GALNT13: variants seen among roughly 807,000 people sequenced by gnomAD.
The protein encoded by GALNT13 is polypeptide N-acetylgalactosaminyltransferase 13.
Under a neutral mutation model 64.2 loss-of-function variants are expected in GALNT13, and 28 were observed. The ratio of observed to expected loss-of-function variants is 0.44; its 90% confidence interval spans 0.32 to 0.60. The LOEUF (loss-of-function observed/expected upper bound fraction) is 0.60, where lower values mean the gene tolerates loss of function less well. Ranked by LOEUF, GALNT13 falls within the 20% of genes least tolerant of loss-of-function variation. The pLI is 0.05. For missense variants in GALNT13, 577 were observed against 669.8 expected (o/e 0.86, Z 1.53); for synonymous variants, 214 against 224.6 (o/e 0.95, Z 0.42).
chr2:153,973,843 T>TATAC (rs1693902362), intron 3 of GALNT13, among the ~76,000 whole-genome samples: 1 of 152,006 alleles, frequency 6.6e-6, no homozygotes, highest in Non-Finnish European at 1.5e-5. Context: ...AACATGACCA[T>TATAC]ATACAGATGA....
At chr2:153,702,812 G>T in the GALNT13 span, among the ~76,000 whole-genome samples, 1 of 152,154 alleles carries the variant, frequency 6.6e-6, no homozygotes, top group Admixed American at 6.6e-5. Flanking sequence ...TAAGGACTAA[G>T]ATCTGTAGTA....
chr2:153,602,740 T>C, the GALNT13 span, among the ~76,000 whole-genome samples: 1 of 151,644 alleles, frequency 6.6e-6, no homozygotes, highest in Non-Finnish European at 1.5e-5. Flanking sequence ...AAGAAGGAGG[T>C]ATTGGTCCAT....
chr2:154,248,772 T>G (rs1689918755), intron 7 of GALNT13, among the ~76,000 whole-genome samples: 1 of 152,146 alleles, frequency 6.6e-6, no homozygotes, highest in African/African-American at 2.4e-5. Flanking sequence ...TTTCCCAATC[T>G]CCACAACTCC....
intron 4 of GALNT13, among the ~76,000 whole-genome samples, chr2:154,180,943 A>G (rs1305427358): frequency 1.3e-5 from 2 of 152,104 alleles, no homozygotes; most frequent in Non-Finnish European, 2.9e-5. Flanking sequence ...AAAAATAAAA[A>G]CCATCAACCC....
At chr2:154,411,317 T>TACACACACACACACAC (rs59114913) in intron 11 of GALNT13, among the ~76,000 whole-genome samples, 1 of 147,764 alleles carries the variant, frequency 6.8e-6, no homozygotes, top group African/African-American at 2.5e-5. Context: ...TAATTGCACA[T>TACACACACACACACAC]ACACACACAC....
the GALNT13 span, among the ~76,000 whole-genome samples, chr2:153,531,895 T>G: frequency 2.0e-3 from 304 of 152,308 alleles, no homozygotes; most frequent in Non-Finnish European, 3.0e-3. Context: ...TGTTTTACAT[T>G]TAGGCCACAC....
intron 8 of GALNT13, among the ~76,000 whole-genome samples, chr2:154,299,899 T>G (rs1693329587): frequency 6.6e-6 from 1 of 151,858 alleles, no homozygotes; most frequent in Non-Finnish European, 1.5e-5. Context: ...TGTTTAAAAA[T>G]TATAAAATAA....
chr2:153,808,600 A>G, the GALNT13 span, among the ~76,000 whole-genome samples: 3 of 152,124 alleles, frequency 2.0e-5, no homozygotes, highest in Non-Finnish European at 4.4e-5. Context: ...TGTCTTTAAT[A>G]CTTAGCTTCT....
intron 4 of GALNT13, among the ~76,000 whole-genome samples, chr2:154,192,642 T>C (rs1461148715): frequency 6.6e-6 from 1 of 152,208 alleles, no homozygotes; most frequent in East Asian, 1.9e-4. Flanking sequence ...TAGCCAGCAA[T>C]TAGGTCCATT....
intron 11 of GALNT13, among the ~76,000 whole-genome samples, chr2:154,432,330 T>C (rs1369302899): frequency 1.1e-4 from 16 of 152,218 alleles, no homozygotes; most frequent in Non-Finnish European, 1.6e-4. Context: ...GATTTCCCTA[T>C]GCAAAATTTG....
At chr2:153,539,674 C>G in the GALNT13 span, among the ~76,000 whole-genome samples, 1,553 of 151,316 alleles carry the variant, frequency 0.01, 29 homozygotes, top group African/African-American at 0.036. Flanking sequence ...GCTTGTTTTT[C>G]TCAGGTTTGT....
At chr2:154,053,295 A>T (rs1699736612) in intron 3 of GALNT13, among the ~76,000 whole-genome samples, 1 of 152,194 alleles carries the variant, frequency 6.6e-6, no homozygotes, top group South Asian at 2.1e-4. Context: ...ATCGTATGCA[A>T]AAGAATTTAA....
intron 2 of GALNT13, among the ~76,000 whole-genome samples, chr2:153,934,128 C>G (rs1351980689): frequency 6.6e-6 from 1 of 152,046 alleles, no homozygotes; most frequent in East Asian, 1.9e-4. Context: ...ATCTTTAATG[C>G]CTTAGCACAG....
At chr2:154,143,827 C>T (rs1426888597) in intron 4 of GALNT13, among the ~76,000 whole-genome samples, 1 of 136,656 alleles carries the variant, frequency 7.3e-6, no homozygotes, top group Admixed American at 8.0e-5. Context: ...TGCCACTGCA[C>T]TCCAGCCTGG....
intron 4 of GALNT13, among the ~76,000 whole-genome samples, chr2:154,193,237 T>C (rs559969332): frequency 1.6e-4 from 24 of 152,318 alleles, no homozygotes; most frequent in Middle Eastern, 3.4e-3. Context: ...CACACAAATA[T>C]TATATGTGTT....
the GALNT13 span, among the ~76,000 whole-genome samples, chr2:153,150,643 T>A: frequency 2.6e-5 from 4 of 152,164 alleles, no homozygotes; most frequent in Admixed American, 2.0e-4. Flanking sequence ...CTGAATTAAT[T>A]TTTGTATAAT....
At position 154,218,011 on chromosome 2, in the gene GALNT13, T is replaced by G. The variant is rs531906799; in HGVS notation, c.312-24019T>G. Among the ~76,000 whole-genome samples the G allele has an allele frequency of 4.6e-5, 7 of 152,254 alleles. No homozygotes were observed. In the South Asian group the frequency reaches 8.3e-4, roughly 18 times the overall value. Reference sequence around the variant, plus strand: ...GCAAGATATCCAACAAGCCTATACTTGTGAGATCATGAGGACATTTCAGTT... The same window carrying G: ...GCAAGATATCCAACAAGCCTATACTGGTGAGATCATGAGGACATTTCAGTT... On this transcript the variant is annotated intron_variant, in intron 4 of 12. Coordinates refer to ENST00000392825, the MANE Select transcript of GALNT13 (RefSeq NM_052917.4).
the GALNT13 span, among the ~76,000 whole-genome samples, chr2:153,825,553 T>C: frequency 6.6e-6 from 1 of 151,924 alleles, no homozygotes; most frequent in Non-Finnish European, 1.5e-5. Flanking sequence ...TTAAGTTTTT[T>C]AGGAATGCAG....
chr2:153,097,344 A>G, the GALNT13 span, among the ~76,000 whole-genome samples: 2 of 152,112 alleles, frequency 1.3e-5, no homozygotes, highest in African/African-American at 4.8e-5. Flanking sequence ...CTGTGTACTT[A>G]CTATTACCAG....
Sources: gnomAD v4.1 joint callset for allele counts (sites outside exome capture counted in the v4.1 genomes callset) on GRCh38, gnomAD v4.1.1 for gene constraint, MANE v1.5 for transcripts, NCBI Gene and HGNC (gene_info 2026-07-23, HGNC 2026-07-21) for gene names.